The following ZKSCAN5 variants were observed in gnomAD, a reference collection of about 807,000 sequenced individuals.
ZKSCAN5 encodes the protein zinc finger with KRAB and SCAN domains 5.
In ZKSCAN5, 28 loss-of-function variants were observed where a neutral mutation model predicts 60.0. That is an observed-to-expected ratio of 0.47 (90% CI 0.35 to 0.64). The LOEUF is 0.64. Ranked by LOEUF, ZKSCAN5 falls within the 30% of genes least tolerant of loss-of-function variation. The probability of loss-of-function intolerance (pLI) is 0.01; values close to 1 mark genes in which losing one functional copy is unlikely to be tolerated. For synonymous variants in ZKSCAN5, 361 were observed against 371.2 expected, an observed-to-expected ratio of 0.97 and a Z score of 0.31; for missense variants, 881 against 1,034.6, an observed-to-expected ratio of 0.85 and a Z score of 2.04.
rs762517695 is a variant in ZKSCAN5 at position 99,506,173 on chromosome 7, G to A, written c.129G>A (p.Pro43=). The A allele has an allele frequency of 1.8e-5, 29 of 1,614,004 alleles. No homozygotes were observed. Among genetic ancestry groups the A allele is most frequent in the Non-Finnish European group, 2.3e-5 (27 of 1,180,032 alleles). ...EDCTWMQEYN[P]PTFETFYQRF... ...GCACCTGGATGCAGGAGTACAACCCGCCAACGTTTGAGACTTTTTACCAGC... is the reference window on the plus strand; with the variant it reads ...GCACCTGGATGCAGGAGTACAACCCACCAACGTTTGAGACTTTTTACCAGC... Residue 43 remains proline, a synonymous_variant, in exon 2 of 7, where the codon CCG becomes CCA. Transcript: ENST00000326775.
chr7:99,530,459 T>C (rs1271759516), intron 6 of ZKSCAN5, among the ~76,000 whole-genome samples: 1 of 152,206 alleles, frequency 6.6e-6, no homozygotes, highest in Non-Finnish European at 1.5e-5. Flanking sequence ...GTCATTTGTA[T>C]ATATTATTTT....
chr7:99,510,757 T>C (rs1308789835), intron 2 of ZKSCAN5, among the ~76,000 whole-genome samples: 3 of 152,112 alleles, frequency 2.0e-5, no homozygotes, highest in Non-Finnish European at 4.4e-5. Flanking sequence ...TTATTTATTT[T>C]TTTGAGACAG....
chr7:99,533,728 T>A lies in ZKSCAN5; in HGVS notation c.*1479T>A, dbSNP rs1224695407. 2 of 398,704 alleles carry A rather than the reference T, an allele frequency of 5.0e-6. No individual in the cohort carries two copies. Among genetic ancestry groups the A allele is most frequent in the African/African-American group, 2.1e-5 (1 of 48,780 alleles). The allele number at this position is 398,704 out of a possible 1,614,324, so 24.7% of individuals were successfully genotyped here. ...TTGGATCAGGCCAAGCTAGACTTTTTCTGAGCCTTCATCCGTGCTAAGCTC... is the reference window on the plus strand; with the variant it reads ...TTGGATCAGGCCAAGCTAGACTTTTACTGAGCCTTCATCCGTGCTAAGCTC... On this transcript the variant is annotated 3_prime_UTR_variant, in exon 7 of 7. Transcript: ENST00000326775.
In ZKSCAN5 at chr7:99,531,183, A is replaced by G; in HGVS notation, c.1454A>G (p.Glu485Gly). 6.2e-7 allele frequency: 1 copy of G among 1,614,010 alleles called. No individual in the cohort carries two copies. Among genetic ancestry groups the G allele is most frequent in the Non-Finnish European group, 8.5e-7 (1 of 1,179,994 alleles). ...KISEYSEADM[E>G]LSGKTQRNVS... The stretch of plus-strand genomic sequence containing the variant: ...TCAGAATATTCAGAAGCAGACATGG[A>G]ACTATCTGGAAAAACCCAAAGAAAT... Residue 485 changes from glutamate (E) to glycine (G), a missense_variant, in exon 7 of 7, where the codon GAA becomes GGA. By Grantham distance (98) the Glu-to-Gly change is moderately conservative. This residue lies in a region of ZKSCAN5 where 490 missense variants were observed against 554.5 expected (regional missense o/e 0.88). Coordinates refer to ENST00000326775, the MANE Select transcript of ZKSCAN5 (RefSeq NM_145102.4).
At chr7:99,518,805 A>G (rs946047057) in intron 3 of ZKSCAN5, among the ~76,000 whole-genome samples, 42 of 149,470 alleles carry the variant, frequency 2.8e-4, no homozygotes, top group Admixed American at 9.5e-4. Flanking sequence ...TCTCCTGAGC[A>G]GCTGGGACTA....
At chr7:99,516,210 G>A (rs1444517661) in intron 3 of ZKSCAN5, among the ~76,000 whole-genome samples, 1 of 152,092 alleles carries the variant, frequency 6.6e-6, no homozygotes, top group African/African-American at 2.4e-5. Context: ...CGAGTCACTT[G>A]GGTTCTGTCC....
In ZKSCAN5 at chr7:99,531,599, C is replaced by T; in HGVS notation, c.1870C>T (p.Gln624Ter). Reference sequence around the variant, plus strand: ...AGTGAGGTCCCACCTTGTTCAGCATCAGAGCGTGCACAGTGGGGAGAGACC... The same window carrying T: ...AGTGAGGTCCCACCTTGTTCAGCATTAGAGCGTGCACAGTGGGGAGAGACC... ...FRVRSHLVQH[Q>*]SVHSGERPFK... The change falls in exon 7 of 7, where the codon CAG becomes TAG. Residue 624 changes from glutamine to a stop codon, truncating the protein, a stop_gained. Transcript: ENST00000326775. LOFTEE classifies it high-confidence loss of function. The T allele has an allele frequency of 6.2e-7, 1 of 1,614,192 alleles. No individual in the cohort carries two copies. The highest frequency in any genetic ancestry group is 8.5e-7 in the Non-Finnish European group (1 of 1,180,042).
intron 5 of ZKSCAN5, among the ~76,000 whole-genome samples, chr7:99,522,579 TTC>T (rs1214349919): frequency 6.6e-6 from 1 of 151,658 alleles, no homozygotes; most frequent in Non-Finnish European, 1.5e-5. Context: ...GTTCAAGCTA[TTC>T]TCGCACCTCA....
Position 99,519,809 on chromosome 7 carries a change from CT to C in ZKSCAN5, c.554-13del, listed in dbSNP as rs1562909527. On this transcript the variant is annotated splice_polypyrimidine_tract_variant and intron_variant, in intron 3 of 6. Coordinates refer to ENST00000326775, the MANE Select transcript of ZKSCAN5 (RefSeq NM_145102.4). ...GGCAAAGATGTTCTCACTTAAACCT[CT>C]TTTTCTCCTCCCTTAGCCCTTCCTG... is the stretch of plus-strand genomic sequence containing the variant. The C allele has an allele frequency of 1.9e-6, 3 of 1,611,766 alleles. No individual in the cohort carries two copies. The highest frequency in any genetic ancestry group is 2.5e-6 in the Non-Finnish European group (3 of 1,178,524).
rs138921774 is a variant in ZKSCAN5 at position 99,509,630 on chromosome 7, C to T, written c.415-2823C>T. Among the ~76,000 whole-genome samples the T allele has an allele frequency of 2.0e-3, 306 of 152,068 alleles. 1 individual carries two copies. Among genetic ancestry groups the T allele is most frequent in the African/African-American group, 7.2e-3 (297 of 41,496 alleles). On this transcript the variant is annotated intron_variant, in intron 2 of 6. Coordinates refer to ENST00000326775, the MANE Select transcript of ZKSCAN5 (RefSeq NM_145102.4). Reference sequence around the variant, plus strand: ...TACAGGCACACGCCACCATGCCCGGCTAATTTCCTGTATTTCTAGTAGAGT... The same window carrying T: ...TACAGGCACACGCCACCATGCCCGGTTAATTTCCTGTATTTCTAGTAGAGT...
intron 6 of ZKSCAN5, among the ~76,000 whole-genome samples, chr7:99,527,818 G>A (rs1360149695): frequency 2.6e-5 from 4 of 152,116 alleles, no homozygotes; most frequent in Non-Finnish European, 5.9e-5. Context: ...CTGAGTAGCT[G>A]AGATTACAGG....
In ZKSCAN5 at chr7:99,504,687, T is replaced by A. The variant is rs1800630631; in HGVS notation, c.-87T>A. 1 of 152,188 alleles carries A rather than the reference T, an allele frequency of 6.6e-6. No individual in the cohort carries two copies. The allele number at this position is 152,188 out of a possible 1,614,324, so 9.4% of individuals were successfully genotyped here. ...AGCTGGCCCCTGCGACTCGCGGGTG[T>A]GACGTTGAAGATGTCGGCCTTCTGA... On this transcript the variant is annotated 5_prime_UTR_variant, in exon 1 of 7. Coordinates refer to ENST00000326775, the MANE Select transcript of ZKSCAN5 (RefSeq NM_145102.4).
intron 2 of ZKSCAN5, among the ~76,000 whole-genome samples, chr7:99,509,355 C>T (rs1800911736): frequency 6.6e-6 from 1 of 152,128 alleles, no homozygotes; most frequent in African/African-American, 2.4e-5. Context: ...AACTCCTGAC[C>T]TCAGGTGATC....
chr7:99,505,929 C>G (rs1800699744), intron 1 of ZKSCAN5, 76 bp from the exon 2 acceptor site: 2 of 1,241,310 alleles, frequency 1.6e-6, no homozygotes, highest in Non-Finnish European at 2.2e-6. Context: ...TAATGATGCC[C>G]AATACATCAG....
chr7:99,527,992 A>AT (rs1391090423), intron 6 of ZKSCAN5, among the ~76,000 whole-genome samples: 5 of 151,952 alleles, frequency 3.3e-5, no homozygotes, highest in Non-Finnish European at 1.5e-5. Context: ...CCGGGCCAGT[A>AT]TTTTTAAACA....
Position 99,507,523 on chromosome 7 carries a change from G to GTATATATATGTATATATATGTGTA in ZKSCAN5, c.414+1070_414+1071insATATGTATATATATGTGTATATAT, listed in dbSNP as rs1351822202. Among the ~76,000 whole-genome samples the GTATATATATGTATATATATGTGTA allele has an allele frequency of 7.5e-5, 10 of 133,800 alleles. No homozygotes were observed. The South Asian group carries it at 1.4e-3, about 18-fold the overall frequency. 87.8% of individuals were successfully genotyped at this position (133,800 alleles called of 152,430 possible). A position where few individuals can be genotyped will look rare whatever the true frequency, so the allele number is the denominator to read the frequency against. ...TGTGTATATATATGTGTGTATATAT[G>GTATATATATGTATATATATGTGTA]TATATGTGTATATATATATGTATAT... On this transcript the variant is annotated intron_variant, in intron 2 of 6. Coordinates refer to ENST00000326775, the MANE Select transcript of ZKSCAN5 (RefSeq NM_145102.4).
chr7:99,520,441 T>C (rs1241062433), intron 5 of ZKSCAN5, 137 bp downstream of exon 5: 2 of 996,432 alleles, frequency 2.0e-6, no homozygotes, highest in East Asian at 2.7e-5. Context: ...TGTAAAAGAA[T>C]AAATCAGCCT....
rs568682081 is a variant in ZKSCAN5 at position 99,533,251 on chromosome 7, C to T, written c.*1002C>T. ...GCAGCTGGGATTGAAAGTAATCAGT[C>T]GTGAGCAGGCAGGCAGGAGGTCCTG... On this transcript the variant is annotated 3_prime_UTR_variant, in exon 7 of 7. Transcript: ENST00000326775. 4.4e-6 allele frequency: 3 copies of T among 689,570 alleles called. No homozygotes were observed. The highest frequency in any genetic ancestry group is 2.7e-5 in the East Asian group (1 of 36,464). The allele number at this position is 689,570 out of a possible 1,614,324, so 42.7% of individuals were successfully genotyped here. A position where few individuals can be genotyped will look rare whatever the true frequency, so the allele number is the denominator to read the frequency against.
In ZKSCAN5 at chr7:99,506,028, C is replaced by A; in HGVS notation, c.-17C>A. 1 of 1,606,462 alleles carries A rather than the reference C, an allele frequency of 6.2e-7. No individual in the cohort carries two copies. The highest frequency in any genetic ancestry group is 8.5e-7 in the Non-Finnish European group (1 of 1,175,048). ...AGTGTAACACAGCCAGCCTCGAAGA[C>A]TTCCCTCTGAGTTGGAATGATAATG... is the stretch of plus-strand genomic sequence containing the variant. On this transcript the variant is annotated 5_prime_UTR_variant, in exon 2 of 7. Transcript: ENST00000326775.
Sources: gnomAD v4.1 joint callset for allele counts (sites outside exome capture counted in the v4.1 genomes callset) on GRCh38, gnomAD v4.1.1 for gene constraint, gnomAD v4.1.1 regional missense constraint, MANE v1.5 for transcripts, NCBI Gene and HGNC (gene_info 2026-07-23, HGNC 2026-07-21) for gene names.